ANO7: variants seen among roughly 807,000 people sequenced by gnomAD.
The protein encoded by ANO7 is anoctamin-7.
In ANO7, 114 loss-of-function variants were observed where a neutral mutation model predicts 115.8. That is an observed-to-expected ratio of 0.98 (90% CI 0.85 to 1.15). The LOEUF (loss-of-function observed/expected upper bound fraction) is 1.15. ANO7 is among the 50% of genes most tolerant of loss of function. The pLI is 0.00. For missense variants in ANO7, 1,302 were observed against 1,201.2 expected (o/e 1.08, Z -1.24); for synonymous variants, 550 against 498.2 (o/e 1.10, Z -1.38).
chr2:241,210,255 G>A lies in ANO7; in HGVS notation c.1360-40G>A, dbSNP rs1391432229. ...GGCCTGAGGGTGCTGGGGTGCCCAAGACACCGTGAAGGGTCTCACGGGCCT... is the reference window on the plus strand; with the variant it reads ...GGCCTGAGGGTGCTGGGGTGCCCAAAACACCGTGAAGGGTCTCACGGGCCT... On this transcript the variant is annotated intron_variant, in intron 13 of 24. Transcript: ENST00000674324. 3.1e-6 allele frequency: 5 copies of A among 1,605,142 alleles called. No homozygotes were observed. In the East Asian group the frequency reaches 6.7e-5, roughly 21 times the overall value.
In ANO7 at chr2:241,202,185, C is replaced by T. The variant is rs556952959; in HGVS notation, c.613-9C>T. 6.2e-7 allele frequency: 1 copy of T among 1,611,932 alleles called. No individual in the cohort carries two copies. The highest frequency in any genetic ancestry group is 1.1e-5 in the South Asian group (1 of 91,046). On this transcript the variant is annotated splice_polypyrimidine_tract_variant and intron_variant, in intron 7 of 24. Coordinates refer to ENST00000674324, the MANE Select transcript of ANO7 (RefSeq NM_001370694.2). Reference sequence around the variant, plus strand: ...AAGTGACCTGCGCCATCCTCCACATCCCCTGCAGCTGTTTGAGATCCTGGC... The same window carrying T: ...AAGTGACCTGCGCCATCCTCCACATTCCCTGCAGCTGTTTGAGATCCTGGC...
rs2069104299 is a variant in ANO7 at position 241,224,275 on chromosome 2, T to C, written c.*122T>C. The C allele has an allele frequency of 6.4e-6, 7 of 1,102,288 alleles. No individual in the cohort carries two copies. The highest frequency in any genetic ancestry group is 9.1e-6 in the Non-Finnish European group (7 of 765,944). 68.3% of individuals were successfully genotyped at this position (1,102,288 alleles called of 1,614,324 possible). ...AACCGCTGGCTGCTGTTGTGCCTCA[T>C]CTCTGGGCACATTGCCTGCTTCCCC... On this transcript the variant is annotated 3_prime_UTR_variant, in exon 25 of 25. Transcript: ENST00000674324.
At chr2:241,227,697 G>A (rs1460049848), downstream of ANO7, 1 of 152,636 alleles carries the variant, frequency 6.6e-6, no homozygotes, top group Non-Finnish European at 1.5e-5. Flanking sequence ...GGGGCAGGAT[G>A]TTTTATGACA....
At chr2:241,235,598 C>G in the ANO7 span, 1 of 1,606,664 alleles carries the variant, frequency 6.2e-7, no homozygotes, top group Admixed American at 1.7e-5. Context: ...CCAATGCCTG[C>G]AGGGAGGATG....
rs769419710 is a variant in ANO7, at chr2:241,214,876, C to T, written c.1800C>T (p.Ile600=). Reference sequence around the variant, plus strand: ...TCATCATGGTGGGCAAGCAGGTCATCAACAACATGCAGGAGGTCCTCATCC... The same window carrying T: ...TCATCATGGTGGGCAAGCAGGTCATTAACAACATGCAGGAGGTCCTCATCC... ...LLVIMVGKQV[I]NNMQEVLIPK... is the part of the protein sequence containing the mutation. Residue 600 remains isoleucine, a synonymous_variant, in exon 18 of 25, where the codon ATC becomes ATT. Coordinates refer to ENST00000674324, the MANE Select transcript of ANO7 (RefSeq NM_001370694.2). The T allele has an allele frequency of 1.8e-5, 29 of 1,612,734 alleles. No homozygotes were observed. In the South Asian group the frequency reaches 2.9e-4, roughly 16 times the overall value.
intron 17 of ANO7, 40 bp from the exon 18 acceptor site, chr2:241,214,765 G>A: frequency 6.4e-7 from 1 of 1,568,520 alleles, no homozygotes. Flanking sequence ...GTGAGTGGCT[G>A]GTCCCCCTCT....
At chr2:241,236,062 C>G in the ANO7 span, 10 of 190,688 alleles carry the variant, frequency 5.2e-5, no homozygotes, top group Admixed American at 5.4e-4. Context: ...CTGTCTCCCC[C>G]ACCGCCCTTC....
rs371711409 is a variant in ANO7 at position 241,199,351 on chromosome 2, C to T, written c.345C>T (p.Tyr115=). The T allele has an allele frequency of 3.3e-4, 529 of 1,613,730 alleles. No homozygotes were observed. Among genetic ancestry groups the T allele is most frequent in the Admixed American group, 4.5e-4 (27 of 60,032 alleles). ...DVQDGNTTVH[Y]ALLSASWAVL... ...AGGACGGGAACACCACAGTGCACTA[C>T]GCCCTCCTCAGCGCCTCCTGGGCTG... The change falls in exon 5 of 25, where the codon TAC becomes TAT. Residue 115 remains tyrosine (Y), a synonymous_variant. Transcript: ENST00000674324.
intron 7 of ANO7, 91 bp from the exon 8 acceptor site, chr2:241,202,103 A>T: frequency 9.1e-7 from 1 of 1,098,950 alleles, no homozygotes; most frequent in Non-Finnish European, 1.4e-6. Context: ...GAGGCCGTCC[A>T]TGGCCTTGGC....
chr2:241,196,265 G>A, intron 4 of ANO7: 3 of 764,492 alleles, frequency 3.9e-6, no homozygotes, highest in Non-Finnish European at 4.9e-6. Context: ...GTACCACTTA[G>A]AATCATTTAA....
At chr2:241,209,473 C>A (rs201645386) in intron 12 of ANO7, 25 bp from the exon 13 acceptor site, 341 of 1,599,638 alleles carry the variant, frequency 2.1e-4, no homozygotes, top group Non-Finnish European at 1.5e-4. Context: ...GCGAGGGCCG[C>A]CACTGAGCAC....
intron 3 of ANO7, among the ~76,000 whole-genome samples, chr2:241,194,938 T>C (rs2068288290): frequency 6.6e-6 from 1 of 152,210 alleles, no homozygotes; most frequent in Non-Finnish European, 1.5e-5. Context: ...CTCTGCTGGA[T>C]GACCAGCGTG....
chr2:241,224,568 G>A lies in ANO7; in HGVS notation c.*415G>A, dbSNP rs978124937. On this transcript the variant is annotated 3_prime_UTR_variant, in exon 25 of 25. Coordinates refer to ENST00000674324, the MANE Select transcript of ANO7 (RefSeq NM_001370694.2). ...GACCTTCGAATGTTTCAGAGCGCAGGGCCGTTCTCCCTCGTGTCCTCTGGA... is the reference window on the plus strand; with the variant it reads ...GACCTTCGAATGTTTCAGAGCGCAGAGCCGTTCTCCCTCGTGTCCTCTGGA... 4.7e-6 allele frequency: 1 copy of A among 212,954 alleles called. No homozygotes were observed. Among genetic ancestry groups the A allele is most frequent in the Non-Finnish European group, 9.6e-6 (1 of 104,584 alleles). 13.2% of individuals were successfully genotyped at this position (212,954 alleles called of 1,614,324 possible).
chr2:241,226,936 A>G (rs1463719380), downstream of ANO7, among the ~76,000 whole-genome samples: 4 of 152,120 alleles, frequency 2.6e-5, no homozygotes, highest in Non-Finnish European at 5.9e-5. Context: ...TCAGCTCGTC[A>G]TAACTCACAG....
rs1439712940 is a variant in ANO7, at chr2:241,203,256, T to C, written c.724-77T>C. 3.0e-5 allele frequency: 35 copies of C among 1,181,098 alleles called. 1 individual carries two copies. In the East Asian group the frequency reaches 1.2e-3, roughly 40 times the overall value. 73.2% of individuals were successfully genotyped at this position (1,181,098 alleles called of 1,614,324 possible). On this transcript the variant is annotated intron_variant, in intron 8 of 24. Coordinates refer to ENST00000674324, the MANE Select transcript of ANO7 (RefSeq NM_001370694.2). The surrounding 1 kb of genome is among the most constrained non-coding windows in gnomAD (Gnocchi z 4.8). ...AGGCCTGTCTGCCCATGTCCCACAC[T>C]GAAGCCCCTGCACCTACAACAGTGC...
downstream of ANO7, among the ~76,000 whole-genome samples, chr2:241,226,094 G>C (rs1366150360): frequency 6.6e-6 from 1 of 152,050 alleles, no homozygotes. Context: ...ACCCGACGTG[G>C]AAGCTCCCCG....
downstream of ANO7, among the ~76,000 whole-genome samples, chr2:241,226,474 G>C (rs2069174703): frequency 6.6e-6 from 1 of 151,858 alleles, no homozygotes; most frequent in Admixed American, 6.5e-5. Flanking sequence ...ACCCAGGCTG[G>C]AGTGCAGTGG....
rs1022214826 is a variant in ANO7, at chr2:241,195,823, C to T, written c.287C>T (p.Ala96Val). The T allele has an allele frequency of 1.1e-5, 18 of 1,614,070 alleles. No individual in the cohort carries two copies. The highest frequency in any genetic ancestry group is 3.3e-5 in the South Asian group (3 of 91,086). ...GAGACTTTTCTGGATAATCTTCGTG[C>T]GGCTGGGCTGTGTGTAGACCAGGTA... ...WRETFLDNLR[A>V]AGLCVDQQDV... Residue 96 changes from alanine (A) to valine (V), a missense_variant, in exon 4 of 25, where the codon GCG becomes GTG. Physicochemically the swap from Ala to Val is moderately conservative, Grantham distance 64 (BLOSUM62 0). Coordinates refer to ENST00000674324, the MANE Select transcript of ANO7 (RefSeq NM_001370694.2).
intron 21 of ANO7, among the ~76,000 whole-genome samples, chr2:241,219,494 T>C (rs1250570775): frequency 6.6e-6 from 1 of 152,140 alleles, no homozygotes; most frequent in Non-Finnish European, 1.5e-5. Flanking sequence ...TATTATTCTT[T>C]TGCTTATTTG....
Sources: gnomAD v4.1 joint callset for allele counts (sites outside exome capture counted in the v4.1 genomes callset) on GRCh38, gnomAD v4.1.1 for gene constraint, Gnocchi (gnomAD v3.1) non-coding constraint, MANE v1.5 for transcripts, NCBI Gene and HGNC (gene_info 2026-07-23, HGNC 2026-07-21) for gene names.